HS3ST4: variants seen among roughly 807,000 people sequenced by gnomAD.
HS3ST4 encodes heparan sulfate glucosamine 3-O-sulfotransferase 4.
A neutral mutation model predicts 29.2 loss-of-function variants in HS3ST4; 17 were observed. The ratio of observed to expected loss-of-function variants is 0.58; its 90% CI spans 0.40 to 0.87. The LOEUF is 0.87. Ranked by LOEUF, HS3ST4 falls within the 40% of genes least tolerant of loss-of-function variation. The probability of loss-of-function intolerance (pLI) is 0.00; values close to 1 mark genes in which losing one functional copy is unlikely to be tolerated. For missense variants in HS3ST4, 627 were observed against 634.5 expected (o/e 0.99, Z 0.13); for synonymous variants, 314 against 285.7 (o/e 1.10, Z -1.00).
chr16:25,763,504 C>T (rs1158399354), intron 1 of HS3ST4, among the ~76,000 whole-genome samples: 1 of 152,118 alleles, frequency 6.6e-6, no homozygotes, highest in Non-Finnish European at 1.5e-5. Flanking sequence ...TTGCATTTAC[C>T]AACGATCACC....
At chr16:26,021,658 T>C (rs1330241550) in intron 1 of HS3ST4, among the ~76,000 whole-genome samples, 1 of 148,736 alleles carries the variant, frequency 6.7e-6, no homozygotes, top group Non-Finnish European at 1.5e-5. Flanking sequence ...ATCTAAGTTC[T>C]ATTATTATTA....
chr16:25,803,988 C>A (rs959474569), intron 1 of HS3ST4, among the ~76,000 whole-genome samples: 4 of 152,066 alleles, frequency 2.6e-5, no homozygotes, highest in African/African-American at 7.2e-5. Flanking sequence ...GTCCAGTAGC[C>A]TCTGGGTATA....
chr16:25,964,548 G>A lies in HS3ST4; in HGVS notation c.735-171064G>A, dbSNP rs141032674. On this transcript the variant is annotated intron_variant, in intron 1 of 1. Coordinates refer to ENST00000331351, the MANE Select transcript of HS3ST4 (RefSeq NM_006040.3). ...GTCCTATTGTTATTCTCATTTTGCA[G>A]AGGAGAAAACTGAGGCATCTTTAAA... Among the ~76,000 whole-genome samples, 4 of 152,254 alleles carry A rather than the reference G, an allele frequency of 2.6e-5. No homozygotes were observed. In the East Asian group the frequency reaches 7.7e-4, roughly 29 times the overall value.
At chr16:25,726,480 C>A (rs1413634535) in intron 1 of HS3ST4, among the ~76,000 whole-genome samples, 1 of 152,012 alleles carries the variant, frequency 6.6e-6, no homozygotes, top group Non-Finnish European at 1.5e-5. Flanking sequence ...ACACACAGAC[C>A]CCATTTTCTT....
intron 1 of HS3ST4, among the ~76,000 whole-genome samples, chr16:25,975,198 T>G (rs1388417535): frequency 6.7e-6 from 1 of 150,098 alleles, no homozygotes; most frequent in Admixed American, 6.7e-5. Context: ...AAACAGAAGA[T>G]CAAATACAGC....
At chr16:25,795,380 T>A (rs115505574) in intron 1 of HS3ST4, among the ~76,000 whole-genome samples, 1 of 152,286 alleles carries the variant, frequency 6.6e-6, no homozygotes, top group African/African-American at 2.4e-5. Context: ...TCCAACCCAC[T>A]GCTTAACTTA....
chr16:25,955,067 AG>A (rs1408487333), intron 1 of HS3ST4, among the ~76,000 whole-genome samples: 1 of 152,188 alleles, frequency 6.6e-6, no homozygotes, highest in Non-Finnish European at 1.5e-5. Flanking sequence ...GGTCCCATGC[AG>A]GGTGTTGGTG....
chr16:26,045,243 A>C (rs557832786), intron 1 of HS3ST4, among the ~76,000 whole-genome samples: 85 of 152,300 alleles, frequency 5.6e-4, no homozygotes, highest in African/African-American at 2.0e-3. Flanking sequence ...GGTGAAAAGT[A>C]TCAGAAAAAA....
At chr16:25,778,945 T>G (rs1966850250) in intron 1 of HS3ST4, among the ~76,000 whole-genome samples, 1 of 152,226 alleles carries the variant, frequency 6.6e-6, no homozygotes, top group African/African-American at 2.4e-5. Context: ...ACATGGATTT[T>G]GGACTTACTA....
At chr16:25,858,990 G>A (rs1370915064) in intron 1 of HS3ST4, among the ~76,000 whole-genome samples, 2 of 151,868 alleles carry the variant, frequency 1.3e-5, no homozygotes, top group Admixed American at 6.6e-5. Flanking sequence ...TCTTTCCTCT[G>A]CAGCAGTCAT....
chr16:25,813,485 T>C (rs924968469), intron 1 of HS3ST4, among the ~76,000 whole-genome samples: 8 of 152,094 alleles, frequency 5.3e-5, no homozygotes, highest in African/African-American at 1.9e-4. Context: ...TAATCTCAGC[T>C]ACTTGGGAGG....
chr16:25,828,463 G>T (rs1280499754), intron 1 of HS3ST4, among the ~76,000 whole-genome samples: 3 of 151,008 alleles, frequency 2.0e-5, no homozygotes, highest in African/African-American at 7.3e-5. Context: ...GCCTCAGCCT[G>T]CCAAGTGGCT....
At chr16:26,127,275 G>C (rs1485124404) in intron 1 of HS3ST4, among the ~76,000 whole-genome samples, 2 of 152,122 alleles carry the variant, frequency 1.3e-5, no homozygotes, top group African/African-American at 4.8e-5. Flanking sequence ...TGCTCCCCTT[G>C]ATCTGGACCA....
At chr16:25,952,030 T>C (rs1377024838) in intron 1 of HS3ST4, among the ~76,000 whole-genome samples, 1 of 151,994 alleles carries the variant, frequency 6.6e-6, no homozygotes, top group African/African-American at 2.4e-5. Flanking sequence ...TTGTAGTACA[T>C]GAAAATCATA....
chr16:26,096,107 C>G (rs1264139691), intron 1 of HS3ST4, among the ~76,000 whole-genome samples: 1 of 152,108 alleles, frequency 6.6e-6, no homozygotes, highest in East Asian at 1.9e-4. Context: ...TAATTAATAG[C>G]TTACCAACCA....
intron 1 of HS3ST4, among the ~76,000 whole-genome samples, chr16:26,130,256 A>T (rs1899400058): frequency 6.6e-6 from 1 of 152,174 alleles, no homozygotes; most frequent in South Asian, 2.1e-4. Context: ...CCAAGCCCAG[A>T]TGCAGTGTTT....
chr16:25,779,077 C>G (rs1403588307), intron 1 of HS3ST4, among the ~76,000 whole-genome samples: 1 of 152,146 alleles, frequency 6.6e-6, no homozygotes, highest in Non-Finnish European at 1.5e-5. Flanking sequence ...CTGTGATTGA[C>G]CTGACTAATG....
chr16:25,865,758 C>G (rs1013403992), intron 1 of HS3ST4, among the ~76,000 whole-genome samples: 4 of 152,124 alleles, frequency 2.6e-5, no homozygotes, highest in Non-Finnish European at 5.9e-5. Context: ...GTTGGGAAAA[C>G]TGGATACCCA....
chr16:25,744,110 G>A (rs1295229904), intron 1 of HS3ST4, among the ~76,000 whole-genome samples: 2 of 152,098 alleles, frequency 1.3e-5, no homozygotes, highest in African/African-American at 4.8e-5. Context: ...TGTCTAAAAA[G>A]CATACTAGAA....
Sources: gnomAD v4.1 joint callset for allele counts (sites outside exome capture counted in the v4.1 genomes callset) on GRCh38, gnomAD v4.1.1 for gene constraint, MANE v1.5 for transcripts, NCBI Gene and HGNC (gene_info 2026-07-23, HGNC 2026-07-21) for gene names.